The following NALCN variants were observed in gnomAD, a reference collection of about 807,000 sequenced individuals.
The protein encoded by NALCN is sodium leak channel, non-selective, also known as sodium leak channel NALCN.
A neutral mutation model predicts 225.3 loss-of-function variants in NALCN; 111 were observed. The ratio of observed to expected loss-of-function variants is 0.49; its 90% confidence interval spans 0.42 to 0.58. The LOEUF is 0.58. Among genes scored for constraint, NALCN ranks in the 20% least tolerant of loss-of-function variants. The probability of loss-of-function intolerance (pLI) is 0.00; values close to 1 mark genes in which losing one functional copy is unlikely to be tolerated. For missense variants in NALCN, 1,378 were observed against 2,202.4 expected, an observed-to-expected ratio of 0.63 and a Z score of 7.49; for synonymous variants, 764 against 769.0, an observed-to-expected ratio of 0.99 and a Z score of 0.11.
intron 1 of NALCN, among the ~76,000 whole-genome samples, chr13:101,415,701 C>A (rs1047527342): frequency 6.6e-6 from 1 of 152,208 alleles, no homozygotes; most frequent in African/African-American, 2.4e-5. Flanking sequence ...TTAACAAGGC[C>A]AATGAATATC....
intron 14 of NALCN, among the ~76,000 whole-genome samples, chr13:101,177,076 C>G (rs145139125): frequency 1.3e-5 from 2 of 152,282 alleles, no homozygotes; most frequent in Admixed American, 6.5e-5. Context: ...GCTCAAGCAG[C>G]CCTCTGGAGA....
chr13:101,306,154 C>A (rs1158575707), intron 7 of NALCN, among the ~76,000 whole-genome samples: 2 of 152,124 alleles, frequency 1.3e-5, no homozygotes, highest in African/African-American at 4.8e-5. Context: ...CAGTTGGTGA[C>A]CCACACCAGC....
At chr13:101,190,585 A>G (rs1283208555) in intron 14 of NALCN, among the ~76,000 whole-genome samples, 1 of 152,122 alleles carries the variant, frequency 6.6e-6, no homozygotes, top group Non-Finnish European at 1.5e-5. Flanking sequence ...AAAGGCCAAA[A>G]CTATGTCTAT....
At chr13:101,253,305 T>C (rs1240115610) in intron 11 of NALCN, among the ~76,000 whole-genome samples, 2 of 152,216 alleles carry the variant, frequency 1.3e-5, no homozygotes, top group African/African-American at 4.8e-5. Flanking sequence ...ATTTTTAGAC[T>C]GTGAGTTGGC....
At chr13:101,336,674 C>T (rs987585522) in intron 7 of NALCN, among the ~76,000 whole-genome samples, 4 of 151,976 alleles carry the variant, frequency 2.6e-5, no homozygotes, top group Non-Finnish European at 2.9e-5. Context: ...GTAAAGAAAA[C>T]TAATAAGGTA....
intron 7 of NALCN, among the ~76,000 whole-genome samples, chr13:101,334,663 A>G (rs1327234765): frequency 6.6e-6 from 1 of 152,198 alleles, no homozygotes; most frequent in Non-Finnish European, 1.5e-5. Context: ...CAGCTATCTC[A>G]TATTAAAAAT....
At chr13:101,103,009 A>G (rs570772002) in intron 26 of NALCN, among the ~76,000 whole-genome samples, 163 bp downstream of exon 26, 3 of 152,348 alleles carry the variant, frequency 2.0e-5, no homozygotes, top group African/African-American at 7.2e-5. Context: ...GCCCATGAGT[A>G]AAGTGTTTGA....
At chr13:101,346,436 A>C (rs979778277) in intron 6 of NALCN, among the ~76,000 whole-genome samples, 6 of 152,088 alleles carry the variant, frequency 3.9e-5, no homozygotes, top group Non-Finnish European at 8.8e-5. Context: ...TTGCATGATG[A>C]AAATCATTTT....
chr13:101,362,275 T>C (rs2046272240), intron 6 of NALCN, among the ~76,000 whole-genome samples: 1 of 152,052 alleles, frequency 6.6e-6, no homozygotes, highest in Non-Finnish European at 1.5e-5. Flanking sequence ...TGTGGATCTC[T>C]ATATGTCTAT....
intron 2 of NALCN, among the ~76,000 whole-genome samples, chr13:101,397,107 T>TAC (rs1339444191): frequency 3.5e-4 from 29 of 83,370 alleles, no homozygotes; most frequent in Admixed American, 6.7e-4. Flanking sequence ...TATATATATA[T>TAC]ATACATACAC....
intron 40 of NALCN, 126 bp from the exon 41 acceptor site, chr13:101,062,244 G>GCCACC: frequency 9.5e-7 from 1 of 1,056,314 alleles, no homozygotes; most frequent in Non-Finnish European, 1.4e-6. Flanking sequence ...GCCACCCCTC[G>GCCACC]CCACCCGCAT....
chr13:101,073,738 C>T lies in NALCN; in HGVS notation c.4104-61G>A, dbSNP rs2033062089. 4.9e-6 allele frequency: 7 copies of T among 1,422,442 alleles called. No individual in the cohort carries two copies. In the South Asian group the frequency reaches 8.6e-5, roughly 17 times the overall value. The allele number at this position is 1,422,442 out of a possible 1,614,324, so 88.1% of individuals were successfully genotyped here. On this transcript the variant is annotated intron_variant, in intron 36 of 43. Transcript: ENST00000251127. Reference sequence around the variant, plus strand: ...TATAGAAGGGTTTGTCATGAAATAGCATGGTTTGCCAACACCAAAACAAGT... The same window carrying T: ...TATAGAAGGGTTTGTCATGAAATAGTATGGTTTGCCAACACCAAAACAAGT...
In NALCN at chr13:101,199,145, G is replaced by A. The variant is rs1010325261; in HGVS notation, c.1627-7091C>T. ...CACACACTGGGGCCTGTTGTGGGGT[G>A]GGGGGAGGTGGGAGGTATAGCATTA... is the stretch of plus-strand genomic sequence containing the variant. On this transcript the variant is annotated intron_variant, in intron 13 of 43. Coordinates refer to ENST00000251127, the MANE Select transcript of NALCN (RefSeq NM_052867.4). Among the ~76,000 whole-genome samples the A allele has an allele frequency of 2.6e-5, 4 of 151,936 alleles. No individual in the cohort carries two copies. In the East Asian group the frequency reaches 7.8e-4, roughly 30 times the overall value.
chr13:101,265,771 T>C (rs1467421130), intron 10 of NALCN, among the ~76,000 whole-genome samples: 11 of 152,200 alleles, frequency 7.2e-5, no homozygotes, highest in African/African-American at 2.6e-4. Flanking sequence ...CCCACAGAGA[T>C]AGAAACATCT....
chr13:101,157,739 G>A (rs2037973299), intron 15 of NALCN, among the ~76,000 whole-genome samples: 2 of 147,556 alleles, frequency 1.4e-5, no homozygotes, highest in East Asian at 2.0e-4. Context: ...GAGCTAGGGA[G>A]GGGACATGGT....
At position 101,055,184 on chromosome 13, in the gene NALCN, T is replaced by G; in HGVS notation, c.*111A>C. On this transcript the variant is annotated 3_prime_UTR_variant, in exon 44 of 44. Transcript: ENST00000251127. ...TGAAAATCAATTTATAAACATCTTG[T>G]GACAAGCTGGAATTCAGTTATAGAT... is the stretch of plus-strand genomic sequence containing the variant. The G allele has an allele frequency of 1.2e-6, 1 of 837,286 alleles. No homozygotes were observed. Among genetic ancestry groups the G allele is most frequent in the Non-Finnish European group, 1.9e-6 (1 of 540,462 alleles). The allele number at this position is 837,286 out of a possible 1,614,324, so 51.9% of individuals were successfully genotyped here. A position where few individuals can be genotyped will look rare whatever the true frequency, so the allele number is the denominator to read the frequency against.
chr13:101,109,563 C>T (rs2035320550), intron 20 of NALCN, among the ~76,000 whole-genome samples: 2 of 152,194 alleles, frequency 1.3e-5, no homozygotes, highest in Admixed American at 1.3e-4. Context: ...CTTTCTCTTG[C>T]TAGCCCTCCT....
chr13:101,309,559 T>G (rs11069437), intron 7 of NALCN, among the ~76,000 whole-genome samples: 18,891 of 152,190 alleles, frequency 0.12, 1,861 homozygotes, highest in African/African-American at 0.27. Context: ...TATTGGCAAA[T>G]AATTCCTAAG....
intron 36 of NALCN, 129 bp from the exon 37 acceptor site, chr13:101,073,806 G>C: frequency 3.0e-6 from 2 of 661,170 alleles, no homozygotes; most frequent in Non-Finnish European, 5.1e-6. Context: ...CTTTTCCAAA[G>C]GTTATACCTT....
Sources: gnomAD v4.1 joint callset for allele counts (sites outside exome capture counted in the v4.1 genomes callset) on GRCh38, gnomAD v4.1.1 for gene constraint, MANE v1.5 for transcripts, NCBI Gene and HGNC (gene_info 2026-07-23, HGNC 2026-07-21) for gene names.